GRID2: variants seen among roughly 807,000 people sequenced by gnomAD.
GRID2 encodes the protein glutamate ionotropic receptor delta type subunit 2.
A neutral mutation model predicts 114.8 loss-of-function variants in GRID2; 33 were observed. That is an observed-to-expected ratio of 0.29 (90% CI 0.22 to 0.38). GRID2 has a LOEUF of 0.38. GRID2 is among the 10% of genes least tolerant of loss of function. GRID2 has a pLI of 1.00. For synonymous variants in GRID2, 505 were observed against 449.9 expected, an observed-to-expected ratio of 1.12 and a Z score of -1.55; for missense variants, 1,184 against 1,257.7, an observed-to-expected ratio of 0.94 and a Z score of 0.89.
chr4:93,114,432 C>T (rs1300067221), intron 4 of GRID2, among the ~76,000 whole-genome samples: 2 of 152,106 alleles, frequency 1.3e-5, no homozygotes, highest in Non-Finnish European at 2.9e-5. Context: ...TATTATCTTT[C>T]CTTAAAGACT....
chr4:92,517,922 A>G (rs1724583881), intron 1 of GRID2, among the ~76,000 whole-genome samples: 1 of 151,832 alleles, frequency 6.6e-6, no homozygotes, highest in African/African-American at 2.4e-5. Flanking sequence ...CAAACAAAAA[A>G]CCAAAAAAAC....
chr4:93,629,008 C>T (rs1345867716), intron 14 of GRID2, among the ~76,000 whole-genome samples: 1 of 152,080 alleles, frequency 6.6e-6, no homozygotes, highest in Admixed American at 6.6e-5. Flanking sequence ...ATCAGGTGAT[C>T]CTCCCGCCTC....
chr4:93,468,929 T>A (rs1241350528), intron 11 of GRID2, among the ~76,000 whole-genome samples: 1 of 152,164 alleles, frequency 6.6e-6, no homozygotes. Flanking sequence ...AATGTATACA[T>A]GTTTAGGTAG....
intron 8 of GRID2, among the ~76,000 whole-genome samples, chr4:93,295,221 T>A (rs983377465): frequency 2.6e-5 from 4 of 152,000 alleles, no homozygotes; most frequent in African/African-American, 7.2e-5. Context: ...ATGGGGAAGA[T>A]TTAAAATAAA....
At chr4:93,173,378 T>A (rs1447586747) in intron 4 of GRID2, among the ~76,000 whole-genome samples, 4 of 151,998 alleles carry the variant, frequency 2.6e-5, no homozygotes, top group Non-Finnish European at 5.9e-5. Context: ...TCTTAGGAGC[T>A]GAAATTTATT....
intron 10 of GRID2, among the ~76,000 whole-genome samples, chr4:93,431,266 G>GGT (rs750406576): frequency 1.3e-5 from 2 of 152,080 alleles, no homozygotes; most frequent in Admixed American, 6.6e-5. Flanking sequence ...TGCCATAGGA[G>GGT]GTATACATTT....
At chr4:92,768,400 A>C (rs1738371979) in intron 2 of GRID2, among the ~76,000 whole-genome samples, 1 of 152,196 alleles carries the variant, frequency 6.6e-6, no homozygotes, top group Non-Finnish European at 1.5e-5. Flanking sequence ...GTTGTTCTTA[A>C]ACAGGGTTTG....
At chr4:93,614,900 T>G (rs1301986670) in intron 13 of GRID2, among the ~76,000 whole-genome samples, 2 of 152,180 alleles carry the variant, frequency 1.3e-5, no homozygotes, top group Non-Finnish European at 2.9e-5. Context: ...TCCCCAAATA[T>G]AGTAGGACAA....
intron 2 of GRID2, among the ~76,000 whole-genome samples, chr4:92,990,280 T>TGG (rs1302022662): frequency 4.2e-5 from 2 of 47,354 alleles, no homozygotes. Context: ...TACGTAGATA[T>TGG]GTGTGTGTAT....
chr4:92,928,960 C>T (rs934123046), intron 2 of GRID2, among the ~76,000 whole-genome samples: 5 of 151,432 alleles, frequency 3.3e-5, no homozygotes, highest in African/African-American at 1.2e-4. Context: ...CCTTCCACCC[C>T]ACCCCCAAAT....
At chr4:93,554,019 C>A (rs912823464) in intron 13 of GRID2, among the ~76,000 whole-genome samples, 1 of 152,104 alleles carries the variant, frequency 6.6e-6, no homozygotes, top group Non-Finnish European at 1.5e-5. Context: ...GATTCTGTGA[C>A]TTTATCTCTA....
At chr4:93,269,295 C>T (rs551580186) in intron 8 of GRID2, among the ~76,000 whole-genome samples, 60 of 152,204 alleles carry the variant, frequency 3.9e-4, no homozygotes, top group African/African-American at 1.3e-3. Context: ...TAGGATCAGG[C>T]ATTTTTAAAA....
At chr4:92,992,849 T>C (rs1043192433) in intron 2 of GRID2, among the ~76,000 whole-genome samples, 4 of 152,160 alleles carry the variant, frequency 2.6e-5, no homozygotes, top group Non-Finnish European at 5.9e-5. Context: ...GCTGTCTGCC[T>C]TTTCTCCTCT....
chr4:92,333,662 G>T, intron 1 of GRID2, among the ~76,000 whole-genome samples: 1 of 151,862 alleles, frequency 6.6e-6, no homozygotes, highest in East Asian at 1.9e-4. Flanking sequence ...ACTATACATG[G>T]TTAAAACTAG....
At chr4:92,336,954 G>GTTTTTTTTTTTTTTTTTTTTTTTTTTT (rs59093874) in intron 1 of GRID2, among the ~76,000 whole-genome samples, 1 of 78,184 alleles carries the variant, frequency 1.3e-5, no homozygotes, top group Non-Finnish European at 2.3e-5. Flanking sequence ...TTTCGTTGTT[G>GTTTTTTTTTTTTTTTTTTTTTTTTTTT]TTTTTTTTTT....
At chr4:93,420,611 C>A (rs1198674987) in intron 9 of GRID2, among the ~76,000 whole-genome samples, 2 of 151,808 alleles carry the variant, frequency 1.3e-5, no homozygotes, top group Non-Finnish European at 2.9e-5. Flanking sequence ...TTCTGAAAAC[C>A]TCTCATCTAC....
chr4:93,293,011 T>C (rs914963804), intron 8 of GRID2, among the ~76,000 whole-genome samples: 1 of 152,202 alleles, frequency 6.6e-6, no homozygotes, highest in Non-Finnish European at 1.5e-5. Flanking sequence ...ACATAAGCAA[T>C]TTTTAAGCAA....
chr4:93,759,529 A>T (rs1190063958), intron 14 of GRID2, among the ~76,000 whole-genome samples: 1 of 152,216 alleles, frequency 6.6e-6, no homozygotes, highest in Non-Finnish European at 1.5e-5. Context: ...AAACTCTAAG[A>T]AAAAAGTTAA....
chr4:92,831,614 G>T (rs1742109280), intron 2 of GRID2, among the ~76,000 whole-genome samples: 1 of 151,896 alleles, frequency 6.6e-6, no homozygotes, highest in Admixed American at 6.6e-5. Context: ...AGTACTTTGG[G>T]AAGCTGGGGC....
Sources: gnomAD v4.1 joint callset for allele counts (sites outside exome capture counted in the v4.1 genomes callset) on GRCh38, gnomAD v4.1.1 for gene constraint, MANE v1.5 for transcripts, NCBI Gene and HGNC (gene_info 2026-07-23, HGNC 2026-07-21) for gene names.